The following RBM33 variants were observed in gnomAD, a reference collection of about 807,000 sequenced individuals.
The protein encoded by RBM33 is RNA binding motif protein 33.
Under a neutral mutation model 132.6 loss-of-function variants are expected in RBM33, and 28 were observed. The observed-to-expected ratio is 0.21, with a 90% CI of 0.16 to 0.29. The LOEUF (loss-of-function observed/expected upper bound fraction) is 0.29, where lower values mean the gene tolerates loss of function less well. RBM33 is among the 10% of genes least tolerant of loss of function. The pLI is 1.00. For synonymous variants in RBM33, 634 were observed against 593.0 expected, an observed-to-expected ratio of 1.07 and a Z score of -1.01; for missense variants, 1,291 against 1,518.5, an observed-to-expected ratio of 0.85 and a Z score of 2.49.
At chr7:155,685,525 A>C (rs1448855422) in intron 5 of RBM33, among the ~76,000 whole-genome samples, 2 of 152,196 alleles carry the variant, frequency 1.3e-5, no homozygotes, top group Non-Finnish European at 2.9e-5. Context: ...ATGGGAAAAC[A>C]AAAGTAAAAC....
At chr7:155,681,720 C>T (rs1799343238) in intron 5 of RBM33, among the ~76,000 whole-genome samples, 1 of 151,784 alleles carries the variant, frequency 6.6e-6, no homozygotes, top group African/African-American at 2.4e-5. Context: ...AAAATTGGGG[C>T]CTTAAAGAGC....
intron 14 of RBM33, among the ~76,000 whole-genome samples, chr7:155,750,706 T>C (rs1294922785): frequency 6.6e-6 from 1 of 152,054 alleles, no homozygotes; most frequent in Non-Finnish European, 1.5e-5. Flanking sequence ...GTTACCACCC[T>C]TTTAGTTGAA....
At chr7:155,754,589 A>G (rs2117051850) in intron 14 of RBM33, among the ~76,000 whole-genome samples, 1 of 152,334 alleles carries the variant, frequency 6.6e-6, no homozygotes, top group East Asian at 1.9e-4. Flanking sequence ...AAATTGGAGA[A>G]TCCTGGGGTA....
At chr7:155,673,873 A>AT (rs1237607862) in intron 3 of RBM33, among the ~76,000 whole-genome samples, 2 of 146,354 alleles carry the variant, frequency 1.4e-5, no homozygotes, top group Non-Finnish European at 3.0e-5. Flanking sequence ...GAAATACTAC[A>AT]TTTTTTAAAT....
chr7:155,661,533 G>A (rs889303053), intron 1 of RBM33, among the ~76,000 whole-genome samples: 1 of 151,550 alleles, frequency 6.6e-6, no homozygotes. Flanking sequence ...TCAGCCTCCC[G>A]AGTAGCCGGG....
intron 13 of RBM33, 57 bp from the exon 14 acceptor site, chr7:155,744,904 A>C: frequency 6.8e-7 from 1 of 1,461,430 alleles, no homozygotes; most frequent in Non-Finnish European, 9.1e-7. Context: ...TTGTTGAAAT[A>C]GACTATGGGC....
intron 16 of RBM33, among the ~76,000 whole-genome samples, chr7:155,768,827 A>G (rs934069348): frequency 3.9e-5 from 6 of 152,054 alleles, no homozygotes; most frequent in Admixed American, 2.0e-4. Flanking sequence ...GTTAGCCAGG[A>G]TGGTCTTGAT....
intron 9 of RBM33, among the ~76,000 whole-genome samples, chr7:155,725,884 A>G (rs192063036): frequency 6.6e-6 from 1 of 152,196 alleles, no homozygotes; most frequent in Non-Finnish European, 1.5e-5. Context: ...TTTAGAATGC[A>G]TCTATAAATA....
chr7:155,760,100 A>C (rs995378901), intron 14 of RBM33, among the ~76,000 whole-genome samples: 1 of 152,252 alleles, frequency 6.6e-6, no homozygotes, highest in Non-Finnish European at 1.5e-5. Context: ...TAAAAAGTAC[A>C]GGCAACTATT....
chr7:155,737,353 CTGTG>C (rs59512454), intron 9 of RBM33, among the ~76,000 whole-genome samples, 173 bp from the exon 10 acceptor site: 169 of 142,926 alleles, frequency 1.2e-3, no homozygotes, highest in African/African-American at 3.0e-3. Flanking sequence ...ATGCATGACT[CTGTG>C]TGTGTGTGTG....
At chr7:155,763,692 CTTG>C (rs1393686208) in intron 14 of RBM33, 117 bp from the exon 15 acceptor site, 5 of 887,168 alleles carry the variant, frequency 5.6e-6, no homozygotes, top group Non-Finnish European at 9.2e-6. Context: ...TCGAGTCACA[CTTG>C]TTTGAAATGG....
chr7:155,654,371 T>G (rs1043174701), intron 1 of RBM33, among the ~76,000 whole-genome samples: 1 of 152,260 alleles, frequency 6.6e-6, no homozygotes, highest in African/African-American at 2.4e-5. Flanking sequence ...TACCATTGTT[T>G]ATGTTTTATC....
In RBM33 at chr7:155,725,000, G is replaced by T. The variant is rs1297276404; in HGVS notation, c.1260+6557G>T. ...CATTTGTGTACAGGTTTGTGTGTGT[G>T]TGTGTGTGTGTGTGTGTGTGTGTGT... On this transcript the variant is annotated intron_variant, in intron 9 of 17. Coordinates refer to ENST00000401878, the MANE Select transcript of RBM33 (RefSeq NM_053043.3). Among the ~76,000 whole-genome samples, 742 of 125,148 alleles carry T rather than the reference G, an allele frequency of 5.9e-3. 12 individuals carry two copies. Among genetic ancestry groups the T allele is most frequent in the African/African-American group, 0.026 (686 of 26,336 alleles). The allele number at this position is 125,148 out of a possible 152,430, so 82.1% of individuals were successfully genotyped here. A position where few individuals can be genotyped will look rare whatever the true frequency, so the allele number is the denominator to read the frequency against.
intron 9 of RBM33, among the ~76,000 whole-genome samples, chr7:155,733,276 C>T (rs1241879787): frequency 1.3e-5 from 2 of 152,090 alleles, no homozygotes; most frequent in African/African-American, 4.8e-5. Context: ...AAAGTTGTAA[C>T]CCAAATTTAG....
At chr7:155,672,597 A>T (rs989159329) in intron 2 of RBM33, among the ~76,000 whole-genome samples, 3 of 152,080 alleles carry the variant, frequency 2.0e-5, no homozygotes, top group Admixed American at 1.3e-4. Flanking sequence ...TCTACTAAAG[A>T]TACACAAAAT....
intron 12 of RBM33, among the ~76,000 whole-genome samples, chr7:155,740,717 T>C (rs973054218): frequency 3.3e-5 from 5 of 152,234 alleles, no homozygotes; most frequent in African/African-American, 1.2e-4. Context: ...GAAGCTTTTG[T>C]AATTTTGTTT....
At chr7:155,682,269 G>A (rs1799357735) in intron 5 of RBM33, among the ~76,000 whole-genome samples, 1 of 152,080 alleles carries the variant, frequency 6.6e-6, no homozygotes, top group Non-Finnish European at 1.5e-5. Context: ...TTGCTCTTTG[G>A]TAGATACAGT....
chr7:155,731,839 C>T (rs758197952), intron 9 of RBM33, among the ~76,000 whole-genome samples: 11 of 152,244 alleles, frequency 7.2e-5, no homozygotes, highest in Non-Finnish European at 1.5e-4. Context: ...CTTAGAAGAA[C>T]TACAGAATTT....
At chr7:155,717,187 C>CT (rs1800486284) in intron 8 of RBM33, among the ~76,000 whole-genome samples, 1 of 152,184 alleles carries the variant, frequency 6.6e-6, no homozygotes, top group Non-Finnish European at 1.5e-5. Flanking sequence ...GCTGGGGCTG[C>CT]TGTAACAAGC....
Sources: gnomAD v4.1 joint callset for allele counts (sites outside exome capture counted in the v4.1 genomes callset) on GRCh38, gnomAD v4.1.1 for gene constraint, MANE v1.5 for transcripts, NCBI Gene and HGNC (gene_info 2026-07-23, HGNC 2026-07-21) for gene names.